The following NOL4 variants were observed in gnomAD, a reference collection of about 807,000 sequenced individuals.
The protein encoded by NOL4 is nucleolar protein 4.
NOL4 carries 17 observed loss-of-function variants against 75.9 expected under a neutral mutation model. That is an observed-to-expected ratio of 0.22 (90% CI 0.15 to 0.34). The LOEUF is 0.34. Among genes scored for constraint, NOL4 ranks in the 10% least tolerant of loss-of-function variants. The pLI is 1.00. For synonymous variants in NOL4, 292 were observed against 289.9 expected (o/e 1.01, Z -0.07); for missense variants, 614 against 793.5 (o/e 0.77, Z 2.72).
intron 6 of NOL4, among the ~76,000 whole-genome samples, chr18:34,012,381 C>T (rs1228226094): frequency 6.6e-6 from 1 of 151,650 alleles, no homozygotes; most frequent in African/African-American, 2.4e-5. Flanking sequence ...TTTATTATAT[C>T]TTTCTTATGT....
At position 34,104,149 on chromosome 18, in the gene NOL4, T is replaced by C; in HGVS notation, c.537A>G (p.Lys179=). 1 of 1,607,210 alleles carries C rather than the reference T, an allele frequency of 6.2e-7. No homozygotes were observed. The highest frequency in any genetic ancestry group is 8.5e-7 in the Non-Finnish European group (1 of 1,174,268). ...PDGTDHKDNG[K]PPTLVTSMID... ...TCATGCTGGTCACCAAAGTGGGAGG[T>C]TTTCCATTATCTGTAATAAAACATT... Residue 179 remains lysine, a synonymous_variant, in exon 4 of 11, where the codon AAA becomes AAG. Coordinates refer to ENST00000261592, the MANE Select transcript of NOL4 (RefSeq NM_003787.5).
chr18:33,882,354 T>G (rs2064341580), intron 10 of NOL4, among the ~76,000 whole-genome samples: 2 of 151,718 alleles, frequency 1.3e-5, no homozygotes, highest in Non-Finnish European at 2.9e-5. Context: ...CAAACAAATT[T>G]ACAAGAAAAA....
chr18:33,861,722 G>A (rs975719153), intron 10 of NOL4, among the ~76,000 whole-genome samples: 3 of 152,046 alleles, frequency 2.0e-5, no homozygotes, highest in Non-Finnish European at 2.9e-5. Context: ...GGGACATGAA[G>A]GACCTCTTCA....
chr18:34,209,722 T>C (rs2036383934), intron 1 of NOL4, among the ~76,000 whole-genome samples: 1 of 152,190 alleles, frequency 6.6e-6, no homozygotes, highest in African/African-American at 2.4e-5. Flanking sequence ...ATAGAACTGC[T>C]AAATAGTGCC....
intron 9 of NOL4, among the ~76,000 whole-genome samples, chr18:33,924,490 G>A (rs980548549): frequency 6.6e-6 from 1 of 152,086 alleles, no homozygotes; most frequent in African/African-American, 2.4e-5. Flanking sequence ...TTCCTATCGT[G>A]TGGTGGGCTT....
chr18:34,189,368 A>G (rs917354200), intron 1 of NOL4, among the ~76,000 whole-genome samples: 23 of 152,128 alleles, frequency 1.5e-4, no homozygotes, highest in African/African-American at 5.3e-4. Flanking sequence ...TAATGACCCA[A>G]TCCAACTTAA....
chr18:33,971,382 G>A (rs1201920560), intron 6 of NOL4, among the ~76,000 whole-genome samples: 13 of 152,166 alleles, frequency 8.5e-5, no homozygotes, highest in Non-Finnish European at 4.4e-5. Context: ...AGTGTTCTGT[G>A]TATGAGAATT....
chr18:34,036,465 A>G (rs1296987648), intron 5 of NOL4, among the ~76,000 whole-genome samples: 2 of 152,210 alleles, frequency 1.3e-5, no homozygotes, highest in Non-Finnish European at 2.9e-5. Context: ...ACCTCAACAC[A>G]ATAAAAGCTG....
intron 10 of NOL4, among the ~76,000 whole-genome samples, chr18:33,854,987 T>A (rs538913650): frequency 5.9e-5 from 9 of 152,160 alleles, no homozygotes; most frequent in Admixed American, 1.3e-4. Context: ...ACAGGCATAG[T>A]CTAGAGAAAG....
At chr18:34,059,048 T>C (rs2076947914) in intron 5 of NOL4, among the ~76,000 whole-genome samples, 1 of 149,820 alleles carries the variant, frequency 6.7e-6, no homozygotes, top group African/African-American at 2.4e-5. Flanking sequence ...CCACTTCTGG[T>C]TGAAATTCAA....
intron 9 of NOL4, among the ~76,000 whole-genome samples, chr18:33,886,970 T>G (rs925557427): frequency 7.1e-6 from 1 of 140,268 alleles, no homozygotes; most frequent in South Asian, 2.2e-4. Flanking sequence ...TAGATATATC[T>G]ATATACATAT....
intron 9 of NOL4, among the ~76,000 whole-genome samples, chr18:33,918,389 A>G (rs980202320): frequency 2.0e-4 from 30 of 152,230 alleles, no homozygotes; most frequent in African/African-American, 7.0e-4. Flanking sequence ...ACTGATGTGT[A>G]TTCATATATT....
chr18:34,207,468 T>C (rs769188968), intron 1 of NOL4, among the ~76,000 whole-genome samples: 61 of 152,246 alleles, frequency 4.0e-4, no homozygotes, highest in Non-Finnish European at 7.6e-4. Context: ...CTACCTTGCA[T>C]ACATGCAACT....
At chr18:33,859,783 G>A (rs971072542) in intron 10 of NOL4, among the ~76,000 whole-genome samples, 4 of 152,040 alleles carry the variant, frequency 2.6e-5, no homozygotes, top group African/African-American at 7.2e-5. Context: ...GCCCGGCATG[G>A]TGGTGGGCAC....
intron 1 of NOL4, among the ~76,000 whole-genome samples, chr18:34,190,283 T>C (rs891202267): frequency 6.6e-6 from 1 of 151,948 alleles, no homozygotes; most frequent in African/African-American, 2.4e-5. Context: ...TCTTGGTAAG[T>C]ATGGCTAGAG....
intron 5 of NOL4, among the ~76,000 whole-genome samples, chr18:34,075,119 T>C (rs1399543479): frequency 6.6e-6 from 1 of 152,214 alleles, no homozygotes; most frequent in African/African-American, 2.4e-5. Context: ...TATCCCTTAT[T>C]TGAAATGCTT....
chr18:33,971,657 G>A (rs1024724662), intron 6 of NOL4, among the ~76,000 whole-genome samples: 3 of 152,156 alleles, frequency 2.0e-5, no homozygotes, highest in African/African-American at 7.2e-5. Context: ...CTAGTGCTCA[G>A]TCTTAAAGTA....
intron 9 of NOL4, among the ~76,000 whole-genome samples, chr18:33,934,862 G>GT (rs869081039): frequency 0.036 from 4,274 of 118,276 alleles, 225 homozygotes; most frequent in African/African-American, 0.11. Context: ...GGAGTAGCAC[G>GT]TTTTTTTTTT....
At chr18:34,157,277 T>C (rs950087145) in intron 1 of NOL4, 1 of 144,668 alleles carries the variant, frequency 6.9e-6, no homozygotes, top group Non-Finnish European at 1.6e-5. Context: ...GTCTGGCATA[T>C]GGTAGATGCC....
Sources: allele counts gnomAD v4.1 joint callset (sites outside exome capture counted in the v4.1 genomes callset), GRCh38; gene constraint gnomAD v4.1.1; transcripts MANE v1.5; gene names NCBI Gene and HGNC (gene_info 2026-07-23, HGNC 2026-07-21).